The following MTAP variants were observed in gnomAD, a reference collection of about 807,000 sequenced individuals.
The protein encoded by MTAP is methylthioadenosine phosphorylase.
MTAP carries 33 observed loss-of-function variants against 33.6 expected under a neutral mutation model. The observed-to-expected ratio is 0.98, with a 90% CI of 0.74 to 1.31. MTAP has a LOEUF of 1.31. MTAP is among the 40% of genes most tolerant of loss of function. The probability of loss-of-function intolerance (pLI) is 0.00; values close to 1 mark genes in which losing one functional copy is unlikely to be tolerated. For synonymous variants in MTAP, 148 were observed against 125.7 expected (o/e 1.18, Z -1.19); for missense variants, 367 against 360.0 (o/e 1.02, Z -0.16).
intron 1 of MTAP, among the ~76,000 whole-genome samples, chr9:21,813,109 G>C (rs147784404): frequency 5.3e-5 from 8 of 152,302 alleles, no homozygotes; most frequent in Middle Eastern, 3.4e-3. Context: ...GGATAGAATT[G>C]GGCCATCAGT....
intron 1 of MTAP, among the ~76,000 whole-genome samples, chr9:21,806,013 T>G (rs1824199108): frequency 6.6e-6 from 1 of 152,132 alleles, no homozygotes; most frequent in Non-Finnish European, 1.5e-5. Flanking sequence ...GAGAATTGGG[T>G]GGATGCAGCT....
At chr9:21,939,957 A>C (rs961877595), downstream of MTAP, among the ~76,000 whole-genome samples, 1 of 152,166 alleles carries the variant, frequency 6.6e-6, no homozygotes, top group African/African-American at 2.4e-5. Context: ...GGTTTTAAAT[A>C]GAATATCATA....
chr9:21,822,762 T>C (rs1824679170), intron 4 of MTAP, among the ~76,000 whole-genome samples: 1 of 152,186 alleles, frequency 6.6e-6, no homozygotes, highest in African/African-American at 2.4e-5. Context: ...TGTGTGGGAG[T>C]CTAAGTCTCT....
At chr9:21,813,277 G>C (rs1220770229) in intron 1 of MTAP, among the ~76,000 whole-genome samples, 2 of 152,214 alleles carry the variant, frequency 1.3e-5, no homozygotes, top group Admixed American at 1.3e-4. Context: ...GCACAATGTA[G>C]GTTTCCGTAA....
intron 1 of MTAP, among the ~76,000 whole-genome samples, chr9:21,812,928 T>C (rs1824386931): frequency 6.6e-6 from 1 of 152,242 alleles, no homozygotes; most frequent in Non-Finnish European, 1.5e-5. Context: ...TTTCTTCGTT[T>C]GTAAAACGGG....
downstream of MTAP, chr9:21,934,416 A>G (rs1819009539): frequency 6.6e-6 from 1 of 152,234 alleles, no homozygotes; most frequent in South Asian, 2.1e-4. This position sits in a 1 kb window ranked among gnomAD's most constrained non-coding sequence, Gnocchi z 5.0. Context: ...GATAATCTTC[A>G]GTAAATAAAA....
chr9:21,802,838 C>G (rs779989031), intron 1 of MTAP, 57 bp downstream of exon 1: 1 of 1,604,038 alleles, frequency 6.2e-7, no homozygotes, highest in South Asian at 1.1e-5. Context: ...TTCTCGCCCC[C>G]GCGCCGGGGG....
downstream of MTAP, among the ~76,000 whole-genome samples, chr9:21,867,945 A>C (rs1286655236): frequency 3.9e-5 from 6 of 152,244 alleles, no homozygotes; most frequent in Non-Finnish European, 8.8e-5. Flanking sequence ...GTCAAAAAGA[A>C]TAGATATCTG....
intron 1 of MTAP, among the ~76,000 whole-genome samples, chr9:21,903,003 G>T (rs1001087185): frequency 6.6e-6 from 1 of 152,150 alleles, no homozygotes; most frequent in African/African-American, 2.4e-5. Flanking sequence ...TTATAAAAAG[G>T]CATTGTGGAA....
chr9:21,832,692 G>A (rs905902279), intron 4 of MTAP, among the ~76,000 whole-genome samples: 1 of 152,130 alleles, frequency 6.6e-6, no homozygotes, highest in African/African-American at 2.4e-5. Context: ...TAACCTAGTT[G>A]TGTTATTAAC....
intron 1 of MTAP, among the ~76,000 whole-genome samples, chr9:21,910,633 A>C (rs1284471521): frequency 6.6e-6 from 1 of 152,210 alleles, no homozygotes; most frequent in Non-Finnish European, 1.5e-5. Flanking sequence ...CATGAAAATC[A>C]CTGAAAGGTT....
At chr9:21,888,708 C>T (rs551410033) in intron 1 of MTAP, among the ~76,000 whole-genome samples, 91 of 152,212 alleles carry the variant, frequency 6.0e-4, no homozygotes, top group African/African-American at 2.1e-3. Context: ...TTATGTCAGT[C>T]CCTGTGTGTT....
intron 1 of MTAP, among the ~76,000 whole-genome samples, chr9:21,882,578 C>T (rs1223347185): frequency 6.6e-6 from 1 of 151,788 alleles, no homozygotes; most frequent in Non-Finnish European, 1.5e-5. Flanking sequence ...ATTGATGTGT[C>T]AGACAGAGAG....
At chr9:21,811,238 A>G (rs948799364) in intron 1 of MTAP, among the ~76,000 whole-genome samples, 2 of 152,200 alleles carry the variant, frequency 1.3e-5, no homozygotes, top group African/African-American at 4.8e-5. Flanking sequence ...CCAGGCCTCA[A>G]AGTGATGGTG....
intron 1 of MTAP, among the ~76,000 whole-genome samples, chr9:21,872,988 G>T (rs1009767844): frequency 1.2e-4 from 18 of 152,146 alleles, no homozygotes; most frequent in Admixed American, 1.3e-4. Flanking sequence ...CCAAGGGAAT[G>T]AATGTTTACA....
intron 1 of MTAP, among the ~76,000 whole-genome samples, chr9:21,808,006 TG>T (rs1160416584): frequency 6.6e-6 from 1 of 152,236 alleles, no homozygotes; most frequent in East Asian, 1.9e-4. Context: ...TCTAAAGCAG[TG>T]GTTCTCAAAG....
rs542326158 is a variant in MTAP at position 21,917,332 on chromosome 9, G to A, written c.148-13676G>A. 1.7e-4 allele frequency among the ~76,000 whole-genome samples: 26 copies of A among 152,286 alleles called. No homozygotes were observed. The East Asian group carries it at 2.5e-3, about 15-fold the overall frequency. On this transcript the variant is annotated intron_variant, in intron 1 of 1. Coordinates refer to the MTAP transcript ENST00000577563. ...ACAGAGGCATTTTCAGCCATTAGAT[G>A]GCACAAGGTTGAAAGAGATCACTAA...
In MTAP at chr9:21,803,036, A is replaced by ACACG. The variant is rs1020757334; in HGVS notation, c.33+256_33+257insACGC. ...CACACACACACACACACACACACAC[A>ACACG]CCACCTTTTGGCTTATCTGCACCCG... is the stretch of plus-strand genomic sequence containing the variant. On this transcript the variant is annotated intron_variant, in intron 1 of 7. Transcript: ENST00000644715. The ACACG allele has an allele frequency of 1.4e-5, 15 of 1,039,812 alleles. No individual in the cohort carries two copies. The African/African-American group carries it at 2.7e-4, about 19-fold the overall frequency. 64.4% of individuals were successfully genotyped at this position (1,039,812 alleles called of 1,614,324 possible).
At chr9:21,925,427 T>C (rs1282509135) in intron 1 of MTAP, among the ~76,000 whole-genome samples, 1 of 152,198 alleles carries the variant, frequency 6.6e-6, no homozygotes, top group Non-Finnish European at 1.5e-5. Flanking sequence ...CTCTGTCTTT[T>C]ACAACCAGGA....
Sources: gnomAD v4.1 joint callset for allele counts (sites outside exome capture counted in the v4.1 genomes callset) on GRCh38, gnomAD v4.1.1 for gene constraint, Gnocchi (gnomAD v3.1) non-coding constraint, MANE v1.5 for transcripts, NCBI Gene and HGNC (gene_info 2026-07-23, HGNC 2026-07-21) for gene names.